PRKCZ: variants seen among roughly 807,000 people sequenced by gnomAD.
PRKCZ encodes protein kinase C zeta type.
Under a neutral mutation model 79.5 loss-of-function variants are expected in PRKCZ, and 33 were observed. That is an observed-to-expected ratio of 0.41 (90% CI 0.31 to 0.55). The LOEUF (loss-of-function observed/expected upper bound fraction) is 0.55, where lower values mean the gene tolerates loss of function less well. Among genes scored for constraint, PRKCZ ranks in the 20% least tolerant of loss-of-function variants. The probability of loss-of-function intolerance (pLI) is 0.19; values close to 1 mark genes in which losing one functional copy is unlikely to be tolerated. For synonymous variants in PRKCZ, 342 were observed against 320.9 expected (o/e 1.07, Z -0.70); for missense variants, 578 against 813.5 (o/e 0.71, Z 3.52).
chr1:2,069,918 T>C (rs1661429378), intron 4 of PRKCZ, among the ~76,000 whole-genome samples: 2 of 152,206 alleles, frequency 1.3e-5, no homozygotes, highest in South Asian at 2.1e-4. Context: ...TCAGGCCCCA[T>C]TGGCCTCCCT....
At chr1:2,091,138 G>A (rs1331491913) in intron 4 of PRKCZ, among the ~76,000 whole-genome samples, 1 of 152,150 alleles carries the variant, frequency 6.6e-6, no homozygotes, top group Non-Finnish European at 1.5e-5. Context: ...TTCAAGCAGT[G>A]CTCCTGCCTC....
At chr1:2,057,309 C>A (rs1362005727) in intron 3 of PRKCZ, among the ~76,000 whole-genome samples, 2 of 152,204 alleles carry the variant, frequency 1.3e-5, no homozygotes, top group Non-Finnish European at 2.9e-5. Flanking sequence ...CTCCCCGGTA[C>A]TGCTGGGGGT....
chr1:2,071,303 G>T (rs901674612), intron 4 of PRKCZ: 1 of 454,906 alleles, frequency 2.2e-6, no homozygotes, highest in South Asian at 1.6e-5. Flanking sequence ...ACCCAGGGAG[G>T]GTCAAGTGGG....
At chr1:2,088,318 C>T (rs774933455) in intron 4 of PRKCZ, among the ~76,000 whole-genome samples, 11 of 152,150 alleles carry the variant, frequency 7.2e-5, no homozygotes, top group Non-Finnish European at 1.5e-4. Context: ...GCACGCCCCT[C>T]CCTCCGCCTC....
intron 4 of PRKCZ, among the ~76,000 whole-genome samples, chr1:2,072,319 G>A (rs1661672317): frequency 6.6e-6 from 1 of 152,114 alleles, no homozygotes; most frequent in Non-Finnish European, 1.5e-5. Context: ...TTTAAATGGA[G>A]GTTTTATTAC....
chr1:2,158,039 C>T (rs1268495389), intron 10 of PRKCZ, among the ~76,000 whole-genome samples: 1 of 152,116 alleles, frequency 6.6e-6, no homozygotes, highest in Non-Finnish European at 1.5e-5. Flanking sequence ...GCTCTCCTGA[C>T]CGCAGGGTCC....
chr1:2,074,321 G>A (rs1408170926), intron 4 of PRKCZ: 13 of 1,548,720 alleles, frequency 8.4e-6, no homozygotes, highest in Non-Finnish European at 1.1e-5. Context: ...GCTGTGGAGG[G>A]CTGGGGGCCG....
chr1:2,089,230 G>A (rs1012907856), intron 4 of PRKCZ, among the ~76,000 whole-genome samples: 4 of 104,744 alleles, frequency 3.8e-5, no homozygotes, highest in South Asian at 3.4e-4. Context: ...GATGGCAGAC[G>A]CCATGAGGAA....
chr1:2,056,804 C>G (rs1467489769), intron 3 of PRKCZ, among the ~76,000 whole-genome samples: 1 of 150,860 alleles, frequency 6.6e-6, no homozygotes, highest in African/African-American at 2.4e-5. Flanking sequence ...TCTCAGCTCA[C>G]TGCAAGCTCC....
rs866209655 is a variant in PRKCZ, at chr1:2,074,594, G to A, written c.334+15003G>A. The A allele has an allele frequency of 6.4e-4, 318 of 495,190 alleles. 1 individual carries two copies. The highest frequency in any genetic ancestry group is 5.6e-3 in the African/African-American group (288 of 51,394). 30.7% of individuals were successfully genotyped at this position (495,190 alleles called of 1,614,324 possible). On this transcript the variant is annotated intron_variant, in intron 4 of 17. Transcript: ENST00000378567. Reference sequence around the variant, plus strand: ...CCTGTTCCAGGCCTGCGGTCTTTCCGTCTCGAGCCTGCCCTCCCGCCTGTC... The same window carrying A: ...CCTGTTCCAGGCCTGCGGTCTTTCCATCTCGAGCCTGCCCTCCCGCCTGTC...
rs1405309367 is a variant in PRKCZ, at chr1:2,173,970, C to T, written c.1359C>T (p.Ile453=). The T allele has an allele frequency of 1.2e-6, 2 of 1,612,860 alleles. No homozygotes were observed. Among genetic ancestry groups the T allele is most frequent in the South Asian group, 1.1e-5 (1 of 90,768 alleles). Residue 453 remains isoleucine (I), a synonymous_variant, in exon 14 of 18, where the codon ATC becomes ATT. Coordinates refer to ENST00000378567, the MANE Select transcript of PRKCZ (RefSeq NM_002744.6). The surrounding 1 kb of genome is among the most constrained non-coding windows in gnomAD (Gnocchi z 5.7). ...TGGCCGGGCGCTCCCCGTTCGACATCATCACCGACAACCCGGACATGAACA... is the reference window on the plus strand; with the variant it reads ...TGGCCGGGCGCTCCCCGTTCGACATTATCACCGACAACCCGGACATGAACA... ...EMMAGRSPFD[I]ITDNPDMNTE...
intron 4 of PRKCZ, among the ~76,000 whole-genome samples, chr1:2,087,252 T>C (rs985299110): frequency 7.9e-5 from 12 of 151,968 alleles, no homozygotes; most frequent in African/African-American, 2.7e-4. Context: ...CCAGCTAATT[T>C]TTGTGTTTTT....
chr1:2,148,864 C>T lies in PRKCZ; in HGVS notation c.635-8C>T. 7 of 1,613,868 alleles carry T rather than the reference C, an allele frequency of 4.3e-6. No homozygotes were observed. The highest frequency in any genetic ancestry group is 5.9e-6 in the Non-Finnish European group (7 of 1,179,808). ...GTAACGCCCCTTCCTTCCTCCCTCT[C>T]TCACCAGTTGCTTACATTTCCTCAT... On this transcript the variant is annotated splice_region_variant and splice_polypyrimidine_tract_variant and intron_variant, in intron 7 of 17. Coordinates refer to ENST00000378567, the MANE Select transcript of PRKCZ (RefSeq NM_002744.6).
Position 2,144,253 on chromosome 1 carries a change from C to T in PRKCZ, c.464C>T (p.Ala155Val), listed in dbSNP as rs549344478. The T allele has an allele frequency of 8.0e-5, 124 of 1,556,200 alleles. No homozygotes were observed. The highest frequency in any genetic ancestry group is 9.9e-5 in the Non-Finnish European group (114 of 1,148,976). Residue 155 changes from alanine to valine, a missense_variant, in exon 6 of 18, where the codon GCG becomes GTG. Coordinates refer to ENST00000378567, the MANE Select transcript of PRKCZ (RefSeq NM_002744.6). ...TGCAGCGAGAGGATATGGGGCCTCG[C>T]GAGGCAAGGCTACAGGTGCATCAAC... ...GQCSERIWGL[A>V]RQGYRCINCK...
intron 4 of PRKCZ, among the ~76,000 whole-genome samples, chr1:2,079,554 C>G (rs565768477): frequency 6.6e-6 from 1 of 152,226 alleles, no homozygotes; most frequent in African/African-American, 2.4e-5. Context: ...CACCGTGTCC[C>G]GGACCCTCAT....
Position 2,144,668 on chromosome 1 carries a change from GAGGT to G in PRKCZ, c.552+328_552+331del, listed in dbSNP as rs1571792940. The G allele has an allele frequency of 2.7e-6, 3 of 1,107,638 alleles. No individual in the cohort carries two copies. The East Asian group carries it at 2.0e-4, about 75-fold the overall frequency. The allele number at this position is 1,107,638 out of a possible 1,614,324, so 68.6% of individuals were successfully genotyped here. On this transcript the variant is annotated intron_variant, in intron 6 of 17. Transcript: ENST00000378567. ...CTTGAACCAGCTCTTAAGGACTGTG[GAGGT>G]GAAAGCCAGGTCTGACCTAGTAGCA...
chr1:2,083,805 GT>G (rs1664017376), intron 4 of PRKCZ, among the ~76,000 whole-genome samples: 2 of 152,166 alleles, frequency 1.3e-5, no homozygotes, highest in South Asian at 4.1e-4. Context: ...AACTCGGCAC[GT>G]GGTCATTTCT....
chr1:2,172,218 C>T lies in PRKCZ; in HGVS notation c.1197+28C>T, dbSNP rs767054914. On this transcript the variant is annotated intron_variant, in intron 12 of 17. Transcript: ENST00000378567. The surrounding 1 kb of genome is among the most constrained non-coding windows in gnomAD (Gnocchi z 7.8). Reference sequence around the variant, plus strand: ...GCGTGCCTTGGACCGCCTCCCCTGACCATCCCGCATGTGCGTCTCGGGGCG... The same window carrying T: ...GCGTGCCTTGGACCGCCTCCCCTGATCATCCCGCATGTGCGTCTCGGGGCG... 9 of 1,613,462 alleles carry T rather than the reference C, an allele frequency of 5.6e-6. No individual in the cohort carries two copies. The South Asian group carries it at 9.9e-5, about 18-fold the overall frequency.
chr1:2,111,496 C>T lies in PRKCZ; in HGVS notation c.335-23766C>T, dbSNP rs150169170. 2.5e-4 allele frequency among the ~76,000 whole-genome samples: 38 copies of T among 151,004 alleles called. No individual in the cohort carries two copies. The East Asian group carries it at 5.9e-3, about 23-fold the overall frequency. On this transcript the variant is annotated intron_variant, in intron 4 of 17. Coordinates refer to ENST00000378567, the MANE Select transcript of PRKCZ (RefSeq NM_002744.6). ...AAGCTGGTTGTCAGGACTCAAGAGG[C>T]GGACAGGGAGGGGCTGGGGTTAGGG...
Sources: allele counts gnomAD v4.1 joint callset (sites outside exome capture counted in the v4.1 genomes callset), GRCh38; gene constraint gnomAD v4.1.1; non-coding constraint Gnocchi (gnomAD v3.1); transcripts MANE v1.5; gene names NCBI Gene and HGNC (gene_info 2026-07-23, HGNC 2026-07-21).